Variants in DCHS2 observed in about 807,000 individuals in gnomAD.
DCHS2 encodes the protein dachsous cadherin-related 2.
In DCHS2, 142 loss-of-function variants were observed where a neutral mutation model predicts 182.4. That is an observed-to-expected ratio of 0.78 (90% CI 0.68 to 0.89). The LOEUF (loss-of-function observed/expected upper bound fraction) is 0.89, where lower values mean the gene tolerates loss of function less well. Ranked by LOEUF, DCHS2 falls within the 40% of genes least tolerant of loss-of-function variation. The pLI is 0.00. For missense variants in DCHS2, 4,319 were observed against 4,198.6 expected (o/e 1.03, Z -0.79); for synonymous variants, 1,740 against 1,663.3 (o/e 1.05, Z -1.12).
At chr4:154,358,488 C>A (rs1260062489) in intron 3 of DCHS2, among the ~76,000 whole-genome samples, 2 of 152,152 alleles carry the variant, frequency 1.3e-5, no homozygotes, top group Non-Finnish European at 2.9e-5. Flanking sequence ...CTTAATTGTA[C>A]TTGAAATACA....
At chr4:154,237,309 T>A in intron 19 of DCHS2, 150 bp from the exon 20 acceptor site, 1 of 1,042,380 alleles carries the variant, frequency 9.6e-7, no homozygotes, top group Non-Finnish European at 1.3e-6. Context: ...CAAATAGAAA[T>A]ACAAATTATT....
At chr4:154,370,888 T>C (rs1730613963) in intron 2 of DCHS2, among the ~76,000 whole-genome samples, 2 of 152,164 alleles carry the variant, frequency 1.3e-5, no homozygotes, top group Admixed American at 1.3e-4. Flanking sequence ...TGAGTGACTT[T>C]AGTGATGGGT....
chr4:154,255,067 A>C (rs1447144294), intron 16 of DCHS2, among the ~76,000 whole-genome samples: 1 of 152,248 alleles, frequency 6.6e-6, no homozygotes, highest in Non-Finnish European at 1.5e-5. Context: ...ATTAGAACAC[A>C]GAACTGCAAC....
chr4:154,467,504 T>G (rs1735286212), intron 1 of DCHS2, among the ~76,000 whole-genome samples: 1 of 152,150 alleles, frequency 6.6e-6, no homozygotes, highest in Non-Finnish European at 1.5e-5. Flanking sequence ...TTAAAATTGC[T>G]AAAATAATGA....
At chr4:154,458,612 C>T (rs1734871954) in intron 1 of DCHS2, among the ~76,000 whole-genome samples, 1 of 152,142 alleles carries the variant, frequency 6.6e-6, no homozygotes, top group Non-Finnish European at 1.5e-5. Flanking sequence ...CTTGCACACA[C>T]CATATTAAAT....
At chr4:154,335,899 GC>G (rs1291168808) in intron 3 of DCHS2, among the ~76,000 whole-genome samples, 2 of 152,158 alleles carry the variant, frequency 1.3e-5, no homozygotes, top group African/African-American at 2.4e-5. Flanking sequence ...CATATCACCA[GC>G]CCGAGATGAC....
chr4:154,425,958 T>A, intron 1 of DCHS2, among the ~76,000 whole-genome samples: 1 of 152,228 alleles, frequency 6.6e-6, no homozygotes, highest in East Asian at 1.9e-4. Flanking sequence ...TAGATTTGGA[T>A]GCTTTGGAGC....
intron 2 of DCHS2, among the ~76,000 whole-genome samples, chr4:154,372,099 T>C (rs943674703): frequency 1.3e-5 from 2 of 152,080 alleles, no homozygotes; most frequent in Non-Finnish European, 2.9e-5. Flanking sequence ...TAAAGGAGTA[T>C]TGAAGATAAT....
intron 1 of DCHS2, among the ~76,000 whole-genome samples, chr4:154,457,591 C>G (rs1734820182): frequency 6.6e-6 from 1 of 152,192 alleles, no homozygotes; most frequent in Non-Finnish European, 1.5e-5. Context: ...AAAGCTTCTA[C>G]AAATCCAACA....
chr4:154,332,589 G>A lies in DCHS2; in HGVS notation c.3619C>T (p.Gln1207Ter). 1 of 1,614,130 alleles carries A rather than the reference G, an allele frequency of 6.2e-7. No individual in the cohort carries two copies. The highest frequency in any genetic ancestry group is 8.5e-7 in the Non-Finnish European group (1 of 1,180,016). The change falls in exon 5 of 20, where the codon CAA becomes TAA. Residue 1207 changes from glutamine to a stop codon, truncating the protein, a stop_gained. Coordinates refer to ENST00000357232, the MANE Select transcript of DCHS2 (RefSeq NM_001358235.2). LOFTEE classifies it high-confidence loss of function. ...GCTGTAATTTTGCCTATTACCCCTT[G>A]GGGAACAGGGCTCTCTTCGACTTTC... ...FLKVEESPVP[Q>*]GVIGKITAID...
At chr4:154,407,942 T>C (rs1189833066) in intron 1 of DCHS2, among the ~76,000 whole-genome samples, 1 of 152,108 alleles carries the variant, frequency 6.6e-6, no homozygotes, top group Non-Finnish European at 1.5e-5. Flanking sequence ...CAAAAGTTTC[T>C]ATAACTAGAC....
At chr4:154,359,600 T>C (rs1730025651) in intron 3 of DCHS2, among the ~76,000 whole-genome samples, 1 of 152,166 alleles carries the variant, frequency 6.6e-6, no homozygotes, top group Admixed American at 6.5e-5. Flanking sequence ...ATTTTCTTCT[T>C]AGTTGTAGAT....
At chr4:154,426,547 T>C (rs1337442333) in intron 1 of DCHS2, among the ~76,000 whole-genome samples, 3 of 152,168 alleles carry the variant, frequency 2.0e-5, no homozygotes, top group African/African-American at 7.2e-5. Flanking sequence ...AAAAATGCCA[T>C]GTAATCAGTA....
At chr4:154,421,847 C>T (rs7693243) in intron 1 of DCHS2, among the ~76,000 whole-genome samples, 2,589 of 152,296 alleles carry the variant, frequency 0.017, 61 homozygotes, top group African/African-American at 0.059. Context: ...TATTTTCTCA[C>T]TTCTCACTTC....
chr4:154,315,476 C>G (rs532924452), intron 10 of DCHS2, among the ~76,000 whole-genome samples: 4 of 152,234 alleles, frequency 2.6e-5, no homozygotes, highest in African/African-American at 7.2e-5. Context: ...CTTCGATTAT[C>G]AAGATCAAAT....
intron 1 of DCHS2, among the ~76,000 whole-genome samples, chr4:154,469,529 T>G (rs1211644289): frequency 6.6e-6 from 1 of 152,220 alleles, no homozygotes; most frequent in Non-Finnish European, 1.5e-5. Flanking sequence ...TAATATGTAC[T>G]TGTAAGTTTC....
intron 1 of DCHS2, among the ~76,000 whole-genome samples, chr4:154,425,297 G>A (rs564931382): frequency 2.4e-4 from 36 of 152,302 alleles, no homozygotes; most frequent in Middle Eastern, 6.8e-3. Context: ...GAGCCCTTGT[G>A]GTTATACCCA....
intron 13 of DCHS2, among the ~76,000 whole-genome samples, chr4:154,292,488 C>T (rs2111264122): frequency 6.6e-6 from 1 of 152,288 alleles, no homozygotes; most frequent in East Asian, 1.9e-4. Flanking sequence ...CCACAGCTGA[C>T]TCCAGAATTC....
Position 154,236,654 on chromosome 4 carries a change from G to A in DCHS2, c.7998C>T (p.Ser2666=). 1 of 1,614,042 alleles carries A rather than the reference G, an allele frequency of 6.2e-7. No homozygotes were observed. The highest frequency in any genetic ancestry group is 8.5e-7 in the Non-Finnish European group (1 of 1,179,962). Residue 2666 remains serine, a synonymous_variant, in exon 20 of 20, where the codon AGC becomes AGT. Coordinates refer to ENST00000357232, the MANE Select transcript of DCHS2 (RefSeq NM_001358235.2). ...TGACATGGGTGTGATAGCTCAGGCT[G>A]CTGAAGTTTGGGGGATTGTCATTGA... is the stretch of plus-strand genomic sequence containing the variant. ...LDVNDNPPNF[S]SLSYHTHVKE...
Sources: gnomAD v4.1 joint callset for allele counts (sites outside exome capture counted in the v4.1 genomes callset) on GRCh38, gnomAD v4.1.1 for gene constraint, MANE v1.5 for transcripts, NCBI Gene and HGNC (gene_info 2026-07-23, HGNC 2026-07-21) for gene names.